Variants in NLRP4 observed in about 807,000 individuals in gnomAD.
NLRP4 encodes the protein NACHT, LRR and PYD domains-containing protein 4.
Under a neutral mutation model 84.7 loss-of-function variants are expected in NLRP4, and 44 were observed. That is an observed-to-expected ratio of 0.52 (90% CI 0.41 to 0.67). The LOEUF is 0.67. NLRP4 is among the 30% of genes least tolerant of loss of function. The probability of loss-of-function intolerance (pLI) is 0.00; values close to 1 mark genes in which losing one functional copy is unlikely to be tolerated. For synonymous variants in NLRP4, 544 were observed against 476.4 expected (o/e 1.14, Z -1.85); for missense variants, 1,260 against 1,219.4 (o/e 1.03, Z -0.50).
chr19:55,841,590 C>A (rs181906503), intron 1 of NLRP4, among the ~76,000 whole-genome samples: 1 of 152,114 alleles, frequency 6.6e-6, no homozygotes, highest in Non-Finnish European at 1.5e-5. Flanking sequence ...AGGCCGGGTG[C>A]GGTGGCTCAT....
At chr19:55,839,309 G>GTGTGTGTGTGTGTGTA (rs1555806216) in intron 1 of NLRP4, among the ~76,000 whole-genome samples, 1 of 110,198 alleles carries the variant, frequency 9.1e-6, no homozygotes, top group Admixed American at 9.6e-5. Flanking sequence ...CTCAGTTTGA[G>GTGTGTGTGTGTGTGTA]TGTGTGTGTG....
chr19:55,877,199 A>C (rs1985407527), intron 8 of NLRP4, 33 bp downstream of exon 8: 2 of 1,595,356 alleles, frequency 1.3e-6, no homozygotes, highest in Non-Finnish European at 8.6e-7. Context: ...TTATGTTTTC[A>C]TGAGTGGCAA....
At chr19:55,847,617 C>T (rs945430286) in intron 1 of NLRP4, among the ~76,000 whole-genome samples, 4 of 152,112 alleles carry the variant, frequency 2.6e-5, no homozygotes, top group Middle Eastern at 3.4e-3. Context: ...TAACGACTTT[C>T]GTTACCATGG....
At chr19:55,843,036 G>A (rs1044842778) in intron 1 of NLRP4, among the ~76,000 whole-genome samples, 2 of 152,296 alleles carry the variant, frequency 1.3e-5, no homozygotes, top group South Asian at 2.1e-4. Context: ...TGGGATTACA[G>A]GCGTCAGCCA....
intron 2 of NLRP4, among the ~76,000 whole-genome samples, chr19:55,854,405 A>AT (rs1350838471): frequency 6.6e-6 from 1 of 152,106 alleles, no homozygotes; most frequent in Non-Finnish European, 1.5e-5. Flanking sequence ...TTGCCTGAAG[A>AT]TTTTAACATT....
intron 3 of NLRP4, among the ~76,000 whole-genome samples, chr19:55,859,926 CAAAAAAAAAAAAAAA>C (rs1166037425): frequency 1.1e-4 from 2 of 17,494 alleles, no homozygotes; most frequent in African/African-American, 4.4e-4. Context: ...CTCTCATCTC[CAAAAAAAAAAAAAAA>C]AAAAAAAAAA....
intron 1 of NLRP4, among the ~76,000 whole-genome samples, chr19:55,849,779 GTGTAATTT>G (rs1183701678): frequency 2.8e-5 from 4 of 145,194 alleles, no homozygotes; most frequent in African/African-American, 1.1e-4. Context: ...TGTAGCTGCG[GTGTAATTT>G]CCAAAGCTGC....
chr19:55,848,106 ACT>A (rs1410705335), intron 1 of NLRP4, among the ~76,000 whole-genome samples: 2 of 151,758 alleles, frequency 1.3e-5, no homozygotes, highest in East Asian at 1.9e-4. Flanking sequence ...AACTAGGACC[ACT>A]CTCAGGATTT....
chr19:55,865,208 A>G (rs1841955), intron 5 of NLRP4, among the ~76,000 whole-genome samples: 30,980 of 152,034 alleles, frequency 0.2, 3,322 homozygotes, highest in East Asian at 0.38. Flanking sequence ...CTCAGTGTTT[A>G]GCGTCCACTT....
chr19:55,849,890 GTGGCCGGCGGTGTAATTTCCGT>G (rs1983962560), intron 1 of NLRP4, among the ~76,000 whole-genome samples: 1 of 13,460 alleles, frequency 7.4e-5, no homozygotes, highest in African/African-American at 3.0e-4. Context: ...TGTAATTTCC[GTGGCCGGCGGTGTAATTTCCGT>G]AGCCGCGGTG....
chr19:55,881,175 TTGTAACTC>T (rs1158755043), intron 9 of NLRP4, among the ~76,000 whole-genome samples: 1 of 45,486 alleles, frequency 2.2e-5, no homozygotes, highest in Non-Finnish European at 5.3e-5. Context: ...GTACCTGTCT[TTGTAACTC>T]TGTTTAGTGA....
rs145238307 is a variant in NLRP4, at chr19:55,865,435, G to T, written c.2187-2274G>T. Among the ~76,000 whole-genome samples the T allele has an allele frequency of 1.8e-3, 267 of 152,288 alleles. 4 individuals are homozygous for T. In the East Asian group the frequency reaches 0.024, roughly 14 times the overall value. On this transcript the variant is annotated intron_variant, in intron 5 of 9. Transcript: ENST00000301295. ...GTGCTGTGATGAGCATACAAGTGCA[G>T]GTGTCTTTATAGTACAATGATTTAT...
At chr19:55,853,176 T>A (rs537493932) in intron 2 of NLRP4, among the ~76,000 whole-genome samples, 2 of 152,380 alleles carry the variant, frequency 1.3e-5, no homozygotes, top group East Asian at 3.9e-4. Flanking sequence ...AATGGCAGGA[T>A]ATAGCTCTTT....
rs539761360 is a variant in NLRP4 at position 55,858,401 on chromosome 19, C to T, written c.1008C>T (p.Ser336=). The change falls in exon 3 of 10, where the codon TCC becomes TCT. Residue 336 remains serine (S), a synonymous_variant. Transcript: ENST00000301295. This position sits in a 1 kb window ranked among gnomAD's most constrained non-coding sequence, Gnocchi z 4.2. ...TAAGAGAAAGTGAACAGCTGTTTTC[C>T]ATATGCCAAATCCCGCTCCTCTGCT... ...NLVRESEQLF[S]ICQIPLLCWI... is the part of the protein sequence containing the mutation. 1.2e-6 allele frequency: 2 copies of T among 1,614,162 alleles called. No individual in the cohort carries two copies. Among genetic ancestry groups the T allele is most frequent in the East Asian group, 2.2e-5 (1 of 44,890 alleles).
chr19:55,846,374 A>G (rs770187214), intron 1 of NLRP4, among the ~76,000 whole-genome samples: 6 of 152,036 alleles, frequency 3.9e-5, no homozygotes, highest in Admixed American at 1.3e-4. Context: ...CTGTTCCATT[A>G]GTCTATATCT....
rs1175246779 is a variant in NLRP4, at chr19:55,857,911, C to T, written c.518C>T (p.Ser173Leu). Residue 173 changes from serine (S) to leucine (L), a missense_variant, in exon 3 of 10, where the codon TCG becomes TTG. Transcript: ENST00000301295. Reference sequence around the variant, plus strand: ...CTGATGAAGCTGATGATGGCCTGGTCGGACAACAAGATCTTTCGGGATAGG... The same window carrying T: ...CTGATGAAGCTGATGATGGCCTGGTTGGACAACAAGATCTTTCGGGATAGG... Reference protein sequence around the residue: ...TLLMKLMMAWSDNKIFRDRFL... With the variant: ...TLLMKLMMAWLDNKIFRDRFL... 4.3e-6 allele frequency: 7 copies of T among 1,614,136 alleles called. No homozygotes were observed. The highest frequency in any genetic ancestry group is 5.1e-6 in the Non-Finnish European group (6 of 1,179,990).
rs759399116 is a variant in NLRP4, at chr19:55,877,180, A to C, written c.2696+14A>C. 8 of 1,611,616 alleles carry C rather than the reference A, an allele frequency of 5.0e-6. No homozygotes were observed. In the South Asian group the frequency reaches 8.8e-5, roughly 18 times the overall value. On this transcript the variant is annotated intron_variant, in intron 8 of 9. Coordinates refer to ENST00000301295, the MANE Select transcript of NLRP4 (RefSeq NM_134444.5). ...AGAGATTCTTGGGTGGGTATCGCCA[A>C]GCTCCTGGTTATGTTTTCATGAGTG... is the stretch of plus-strand genomic sequence containing the variant.
chr19:55,855,782 C>T (rs926439984), intron 2 of NLRP4, among the ~76,000 whole-genome samples: 15 of 152,354 alleles, frequency 9.8e-5, no homozygotes, highest in South Asian at 2.1e-4. Context: ...AAGGAGTTTT[C>T]GGCCTGGCTG....
At position 55,848,336 on chromosome 19, in the gene NLRP4, C is replaced by A. The variant is rs192238847; in HGVS notation, c.-65-3680C>A. Among the ~76,000 whole-genome samples, 9 of 151,776 alleles carry A rather than the reference C, an allele frequency of 5.9e-5. No individual in the cohort carries two copies. In the East Asian group the frequency reaches 1.7e-3, roughly 29 times the overall value. On this transcript the variant is annotated intron_variant, in intron 1 of 9. Transcript: ENST00000301295. ...TAGCTTAGGTGTCTGGCTGGTTTCTCCACTCTGAAGTTAATCCCTACCCCT... is the reference window on the plus strand; with the variant it reads ...TAGCTTAGGTGTCTGGCTGGTTTCTACACTCTGAAGTTAATCCCTACCCCT...
Sources: allele counts gnomAD v4.1 joint callset (sites outside exome capture counted in the v4.1 genomes callset), GRCh38; gene constraint gnomAD v4.1.1; non-coding constraint Gnocchi (gnomAD v3.1); transcripts MANE v1.5; gene names NCBI Gene and HGNC (gene_info 2026-07-23, HGNC 2026-07-21).